ENOX1: variants seen among roughly 807,000 people sequenced by gnomAD.
ENOX1 encodes candidate growth-related and time keeping constitutive hydroquinone (NADH) oxidase.
In ENOX1, 42 loss-of-function variants were observed where a neutral mutation model predicts 82.5. That is an observed-to-expected ratio of 0.51 (90% CI 0.40 to 0.66). ENOX1 has a LOEUF of 0.66. Ranked by LOEUF, ENOX1 falls within the 30% of genes least tolerant of loss-of-function variation. The pLI, the probability that ENOX1 is intolerant of heterozygous loss-of-function variation, is 0.00. For missense variants in ENOX1, 608 were observed against 811.6 expected, an observed-to-expected ratio of 0.75 and a Z score of 3.05; for synonymous variants, 271 against 282.2, an observed-to-expected ratio of 0.96 and a Z score of 0.40.
At chr13:43,602,552 A>C (rs1002478500) in intron 2 of ENOX1, among the ~76,000 whole-genome samples, 39 of 152,164 alleles carry the variant, frequency 2.6e-4, no homozygotes, top group African/African-American at 9.2e-4. Context: ...CCAGCACTTA[A>C]TAAAAATGTA....
At chr13:43,730,976 T>G (rs1021951663) in intron 1 of ENOX1, among the ~76,000 whole-genome samples, 1 of 152,164 alleles carries the variant, frequency 6.6e-6, no homozygotes, top group Admixed American at 6.5e-5. Flanking sequence ...GCTCCCCAAC[T>G]CTTTCTTCAT....
intron 2 of ENOX1, among the ~76,000 whole-genome samples, chr13:43,489,337 T>C (rs536769584): frequency 1.3e-5 from 2 of 152,266 alleles, no homozygotes; most frequent in South Asian, 4.2e-4. Context: ...CAGCTGTGGC[T>C]TGAGTGGACC....
In ENOX1 at chr13:43,298,305, CTCTT is replaced by C. The variant is rs1221068866; in HGVS notation, c.1446+37_1446+40del. ...TTCCATTTTCATTTAATACACATAT[CTCTT>C]TCTCTCAAAAAAAAAAAAAAAATCT... On this transcript the variant is annotated intron_variant, in intron 12 of 16. Transcript: ENST00000690772. 3.3e-6 allele frequency: 5 copies of C among 1,495,912 alleles called. No individual in the cohort carries two copies. In the African/African-American group the frequency reaches 6.7e-5, roughly 20 times the overall value. The allele number at this position is 1,495,912 out of a possible 1,614,324, so 92.7% of individuals were successfully genotyped here. A position where few individuals can be genotyped will look rare whatever the true frequency, so the allele number is the denominator to read the frequency against.
chr13:43,718,735 A>T (rs2088338990), intron 1 of ENOX1, among the ~76,000 whole-genome samples: 1 of 150,812 alleles, frequency 6.6e-6, no homozygotes, highest in African/African-American at 2.4e-5. Flanking sequence ...AGCTGTTAAA[A>T]TAGCTTAGGA....
intron 3 of ENOX1, among the ~76,000 whole-genome samples, chr13:43,427,342 C>A (rs1343629638): frequency 1.3e-5 from 2 of 152,154 alleles, no homozygotes; most frequent in Admixed American, 1.3e-4. Flanking sequence ...AGATGTTATT[C>A]CAACTTTTTA....
intron 2 of ENOX1, among the ~76,000 whole-genome samples, chr13:43,562,867 G>A (rs955578667): frequency 6.6e-6 from 1 of 152,004 alleles, no homozygotes; most frequent in Non-Finnish European, 1.5e-5. Flanking sequence ...ATATAACAGT[G>A]GAGCACCCAA....
intron 3 of ENOX1, among the ~76,000 whole-genome samples, chr13:43,465,252 A>T (rs2057667723): frequency 6.6e-6 from 1 of 151,728 alleles, no homozygotes; most frequent in South Asian, 2.1e-4. Context: ...TAGAAGAAAG[A>T]CTCTATTTAT....
intron 3 of ENOX1, among the ~76,000 whole-genome samples, chr13:43,435,277 C>T (rs981650275): frequency 2.0e-5 from 3 of 152,164 alleles, no homozygotes; most frequent in Non-Finnish European, 4.4e-5. Context: ...AACCTCACCA[C>T]TGGGAAGCAT....
chr13:43,672,793 A>G (rs2085329613), intron 1 of ENOX1, among the ~76,000 whole-genome samples: 1 of 152,186 alleles, frequency 6.6e-6, no homozygotes, highest in South Asian at 2.1e-4. Context: ...TATAAAAACC[A>G]CCGCTCTATG....
At chr13:43,651,142 C>G (rs1017843912) in intron 2 of ENOX1, among the ~76,000 whole-genome samples, 1 of 151,954 alleles carries the variant, frequency 6.6e-6, no homozygotes, top group Non-Finnish European at 1.5e-5. Flanking sequence ...TCCAATGATA[C>G]AATCAAGCCT....
chr13:43,705,026 G>T (rs188401984), intron 1 of ENOX1, among the ~76,000 whole-genome samples: 9 of 151,904 alleles, frequency 5.9e-5, no homozygotes, highest in Admixed American at 4.6e-4. Context: ...TTGGATATTG[G>T]ATATTATCCA....
At chr13:43,318,593 G>A (rs557947968) in intron 11 of ENOX1, among the ~76,000 whole-genome samples, 2 of 152,280 alleles carry the variant, frequency 1.3e-5, no homozygotes, top group Admixed American at 1.3e-4. Flanking sequence ...TTTAATTAGA[G>A]CAAATGTTCT....
intron 16 of ENOX1, among the ~76,000 whole-genome samples, chr13:43,221,180 G>A (rs1312947522): frequency 6.6e-6 from 1 of 152,150 alleles, no homozygotes; most frequent in Non-Finnish European, 1.5e-5. Context: ...CACACCATGG[G>A]CCTTGGGAAG....
intron 15 of ENOX1, among the ~76,000 whole-genome samples, chr13:43,235,460 C>T (rs573785247): frequency 1.9e-4 from 29 of 152,212 alleles, no homozygotes; most frequent in African/African-American, 3.9e-4. Context: ...GGACCAGGCG[C>T]GGTGGCTCAT....
chr13:43,782,489 C>T (rs982093889), intron 1 of ENOX1, among the ~76,000 whole-genome samples: 1 of 152,086 alleles, frequency 6.6e-6, no homozygotes, highest in Admixed American at 6.5e-5. Context: ...TAATAGCAGG[C>T]TTCTAAAACT....
chr13:43,432,691 T>G (rs2055751128), intron 3 of ENOX1, among the ~76,000 whole-genome samples: 1 of 152,028 alleles, frequency 6.6e-6, no homozygotes, highest in Admixed American at 6.6e-5. Flanking sequence ...GAAAATGACT[T>G]TGACATTTTA....
intron 5 of ENOX1, among the ~76,000 whole-genome samples, chr13:43,404,769 A>G (rs2053691282): frequency 6.6e-6 from 1 of 152,216 alleles, no homozygotes; most frequent in African/African-American, 2.4e-5. Flanking sequence ...TAATGTCCTA[A>G]TGTCCTGGGG....
chr13:43,577,894 T>A (rs568661659), intron 2 of ENOX1, among the ~76,000 whole-genome samples: 1 of 152,220 alleles, frequency 6.6e-6, no homozygotes, highest in Admixed American at 6.5e-5. Context: ...TCTTAGAGAG[T>A]AAAGCCTGAA....
At chr13:43,755,623 A>T (rs1206029770) in intron 1 of ENOX1, among the ~76,000 whole-genome samples, 1 of 152,202 alleles carries the variant, frequency 6.6e-6, no homozygotes, top group Non-Finnish European at 1.5e-5. Flanking sequence ...GCAAACTAAA[A>T]TCATCATTAA....
Sources: allele counts gnomAD v4.1 joint callset (sites outside exome capture counted in the v4.1 genomes callset), GRCh38; gene constraint gnomAD v4.1.1; transcripts MANE v1.5; gene names NCBI Gene and HGNC (gene_info 2026-07-23, HGNC 2026-07-21).